Variants in FLT1 observed in about 807,000 individuals in gnomAD.
FLT1 encodes the protein fms related receptor tyrosine kinase 1.
A neutral mutation model predicts 156.3 loss-of-function variants in FLT1; 49 were observed. That is an observed-to-expected ratio of 0.31 (90% CI 0.25 to 0.40). FLT1 has a LOEUF of 0.40. Ranked by LOEUF, FLT1 falls within the 10% of genes least tolerant of loss-of-function variation. FLT1 has a pLI of 1.00. For missense variants in FLT1, 1,322 were observed against 1,637.2 expected (o/e 0.81, Z 3.32); for synonymous variants, 594 against 583.8 (o/e 1.02, Z -0.25).
intron 1 of FLT1, among the ~76,000 whole-genome samples, chr13:28,484,758 C>T (rs1195905943): frequency 6.6e-6 from 1 of 151,956 alleles, no homozygotes; most frequent in Admixed American, 6.6e-5. Flanking sequence ...TAGGAGGATC[C>T]CTAAATGTCG....
chr13:28,356,773 C>T (rs977962368), intron 15 of FLT1, among the ~76,000 whole-genome samples: 3 of 152,182 alleles, frequency 2.0e-5, no homozygotes, highest in African/African-American at 7.2e-5. Context: ...CATCTTTTCA[C>T]GTAAAACCTC....
chr13:28,349,135 C>T (rs1270269216), intron 15 of FLT1, among the ~76,000 whole-genome samples: 3 of 152,180 alleles, frequency 2.0e-5, no homozygotes, highest in African/African-American at 7.2e-5. Flanking sequence ...CTATGGTCCT[C>T]TTCTTCACTG....
chr13:28,437,371 T>C (rs1381442518), intron 4 of FLT1, among the ~76,000 whole-genome samples: 4 of 152,132 alleles, frequency 2.6e-5, no homozygotes, highest in African/African-American at 9.7e-5. Flanking sequence ...TCTCTGAACT[T>C]TTCCAGCCTA....
intron 3 of FLT1, among the ~76,000 whole-genome samples, chr13:28,458,764 T>G (rs917821917): frequency 2.0e-5 from 3 of 152,216 alleles, no homozygotes; most frequent in African/African-American, 7.2e-5. Flanking sequence ...TCCACGTAGC[T>G]GGAAAGGAAA....
intron 14 of FLT1, among the ~76,000 whole-genome samples, chr13:28,361,660 A>G (rs541567272): frequency 6.6e-6 from 1 of 152,378 alleles, no homozygotes; most frequent in South Asian, 2.1e-4. Flanking sequence ...ATAAATAGCA[A>G]GAGTGGAGGA....
chr13:28,471,042 G>A (rs182274114), intron 1 of FLT1, among the ~76,000 whole-genome samples: 187 of 152,104 alleles, frequency 1.2e-3, no homozygotes, highest in Non-Finnish European at 1.9e-3. Flanking sequence ...CTACTTGTTC[G>A]TGTCCACACT....
intron 12 of FLT1, among the ~76,000 whole-genome samples, chr13:28,392,060 C>T (rs906315419): frequency 6.6e-6 from 1 of 152,150 alleles, no homozygotes; most frequent in African/African-American, 2.4e-5. Context: ...GGACAATAGT[C>T]CAAAATTAGA....
At chr13:28,391,843 G>A (rs753689496) in intron 12 of FLT1, among the ~76,000 whole-genome samples, 3 of 152,092 alleles carry the variant, frequency 2.0e-5, no homozygotes, top group African/African-American at 7.2e-5. Context: ...CCAGTCTCAC[G>A]GGAGGATTTT....
chr13:28,397,133 C>T, intron 11 of FLT1, 65 bp from the exon 12 acceptor site: 1 of 907,296 alleles, frequency 1.1e-6, no homozygotes, highest in Non-Finnish European at 1.8e-6. Flanking sequence ...CCCCAAGCTA[C>T]TTCTGAGGTT....
At position 28,322,875 on chromosome 13, in the gene FLT1, T is replaced by G. The variant is rs191324219; in HGVS notation, c.2868A>C (p.Arg956Ser). The G allele has an allele frequency of 6.2e-7, 1 of 1,614,188 alleles. No individual in the cohort carries two copies. Among genetic ancestry groups the G allele is most frequent in the Non-Finnish European group, 8.5e-7 (1 of 1,180,030 alleles). ...TTTCGCTGCTGGTGACGCTATCTAG[T>G]CTTGGTTTCTTGCCTTGTTCCAGGC... ...EPGLEQGKKP[R>S]LDSVTSSESF... The change falls in exon 21 of 30, where the codon AGA becomes AGC. Residue 956 changes from arginine to serine, a missense_variant. Physicochemically the swap from Arg to Ser is moderately radical, Grantham distance 110 (BLOSUM62 -1). Around this residue, in one of 3 missense-constraint regions of FLT1, gnomAD observed 991 missense variants for 1,254.8 expected, o/e 0.79. Transcript: ENST00000282397. The surrounding 1 kb of genome is among the most constrained non-coding windows in gnomAD (Gnocchi z 4.3).
intron 3 of FLT1, among the ~76,000 whole-genome samples, chr13:28,447,926 C>A (rs940870192): frequency 4.0e-5 from 6 of 151,404 alleles, no homozygotes; most frequent in Non-Finnish European, 7.4e-5. Flanking sequence ...GTAATAAAGA[C>A]AAGCTAATTA....
intron 11 of FLT1, among the ~76,000 whole-genome samples, chr13:28,399,343 T>C (rs1205173839): frequency 1.3e-5 from 2 of 152,206 alleles, no homozygotes; most frequent in African/African-American, 2.4e-5. Flanking sequence ...CTCAGATTAA[T>C]TGTTGCTCAG....
At chr13:28,449,952 C>T (rs971909372) in intron 3 of FLT1, among the ~76,000 whole-genome samples, 16 of 151,986 alleles carry the variant, frequency 1.1e-4, no homozygotes, top group Non-Finnish European at 2.4e-4. Flanking sequence ...CGCCTAAGCC[C>T]CCTGGGATGC....
At position 28,372,566 on chromosome 13, in the gene FLT1, G is replaced by GTATATATATATATATATATATA. The variant is rs57608920; in HGVS notation, c.2116+12297_2116+12318dup. Among the ~76,000 whole-genome samples the GTATATATATATATATATATATA allele has an allele frequency of 1.5e-3, 133 of 91,400 alleles. 4 individuals carry two copies. The highest frequency in any genetic ancestry group is 2.2e-3 in the Non-Finnish European group (100 of 44,994). 60.0% of individuals were successfully genotyped at this position (91,400 alleles called of 152,430 possible). A position where few individuals can be genotyped will look rare whatever the true frequency, so the allele number is the denominator to read the frequency against. ...CATATATTCCTCGTTTAAATAAAAT[G>GTATATATATATATATATATATA]TATATATATATATATATATATATAT... is the stretch of plus-strand genomic sequence containing the variant. On this transcript the variant is annotated intron_variant, in intron 14 of 29. Coordinates refer to ENST00000282397, the MANE Select transcript of FLT1 (RefSeq NM_002019.4).
chr13:28,362,322 A>C (rs754944631), intron 14 of FLT1, among the ~76,000 whole-genome samples: 21 of 152,244 alleles, frequency 1.4e-4, no homozygotes, highest in Non-Finnish European at 2.9e-4. Flanking sequence ...GAGATAGCTT[A>C]AATGGAAGCA....
intron 15 of FLT1, among the ~76,000 whole-genome samples, chr13:28,355,470 A>G (rs7324547): frequency 0.65 from 98,197 of 152,100 alleles, 34,641 homozygotes; most frequent in Non-Finnish European, 0.79. Context: ...TATCAACGCC[A>G]AAATAATAAT....
In FLT1 at chr13:28,347,413, CG is replaced by C. The variant is rs1329729248; in HGVS notation, c.2249-1863del. On this transcript the variant is annotated intron_variant, in intron 15 of 29. Coordinates refer to ENST00000282397, the MANE Select transcript of FLT1 (RefSeq NM_002019.4). ...TGTGGTGGGGGGGCACCCAGCTCCT[CG>C]GTAGTCTGAAGCAGGAGAATAGCTT... 1.2e-4 allele frequency among the ~76,000 whole-genome samples: 18 copies of C among 151,990 alleles called. 1 individual carries two copies. Among genetic ancestry groups the C allele is most frequent in the Admixed American group, 1.2e-3 (18 of 15,274 alleles).
In FLT1 at chr13:28,303,269, G is replaced by A; in HGVS notation, c.3915C>T (p.Arg1305=). ...SSCGHVSEGK[R]RFTYDHAELE... ...GCTCAGCGTGGTCGTAGGTGAACCT[G>A]CGCTTGCCTTCGCTGACGTGCCCAC... Residue 1305 remains arginine, a synonymous_variant, in exon 30 of 30, where the codon CGC becomes CGT. Coordinates refer to ENST00000282397, the MANE Select transcript of FLT1 (RefSeq NM_002019.4). 6.2e-7 allele frequency: 1 copy of A among 1,614,022 alleles called. No homozygotes were observed. The highest frequency in any genetic ancestry group is 8.5e-7 in the Non-Finnish European group (1 of 1,180,014).
At chr13:28,320,777 C>T (rs1871418524) in intron 23 of FLT1, among the ~76,000 whole-genome samples, 1 of 151,970 alleles carries the variant, frequency 6.6e-6, no homozygotes, top group Admixed American at 6.6e-5. Context: ...AACAAGCCTT[C>T]TAGGTGATAT....
Sources: allele counts gnomAD v4.1 joint callset (sites outside exome capture counted in the v4.1 genomes callset), GRCh38; gene constraint gnomAD v4.1.1; regional missense constraint gnomAD v4.1.1; non-coding constraint Gnocchi (gnomAD v3.1); transcripts MANE v1.5; gene names NCBI Gene and HGNC (gene_info 2026-07-23, HGNC 2026-07-21).